The following PCLO variants were observed in gnomAD, a reference collection of about 807,000 sequenced individuals.
The protein encoded by PCLO is piccolo presynaptic cytomatrix protein.
Under a neutral mutation model 427.5 loss-of-function variants are expected in PCLO, and 82 were observed. The ratio of observed to expected loss-of-function variants is 0.19; its 90% CI spans 0.16 to 0.23. The LOEUF (loss-of-function observed/expected upper bound fraction) is 0.23, where lower values mean the gene tolerates loss of function less well. PCLO is among the 10% of genes least tolerant of loss of function. PCLO has a pLI of 1.00. For missense variants in PCLO, 6,239 were observed against 6,115.9 expected (o/e 1.02, Z -0.67); for synonymous variants, 2,357 against 2,155.4 (o/e 1.09, Z -2.59).
Position 83,076,615 on chromosome 7 carries a change from G to A in PCLO, c.3300+57635C>T, listed in dbSNP as rs559544792. Among the ~76,000 whole-genome samples the A allele has an allele frequency of 2.2e-4, 26 of 118,860 alleles. No individual in the cohort carries two copies. In the East Asian group the frequency reaches 6.0e-3, roughly 27 times the overall value. 78.0% of individuals were successfully genotyped at this position (118,860 alleles called of 152,430 possible). A position where few individuals can be genotyped will look rare whatever the true frequency, so the allele number is the denominator to read the frequency against. Reference sequence around the variant, plus strand: ...GCAAAACATTTGTTTTCTGTTTAATGTTATTTTCCTTTTTTTTTTTTTTTG... The same window carrying A: ...GCAAAACATTTGTTTTCTGTTTAATATTATTTTCCTTTTTTTTTTTTTTTG... On this transcript the variant is annotated intron_variant, in intron 3 of 24. Transcript: ENST00000333891.
At chr7:82,760,615 A>G (rs781286107) in intron 24 of PCLO, 24 bp downstream of exon 24, 124 of 1,483,954 alleles carry the variant, frequency 8.4e-5, no homozygotes, top group Non-Finnish European at 9.4e-5. Flanking sequence ...AGTTTCAAAT[A>G]TGAACTACAT....
chr7:82,822,634 T>A lies in PCLO; in HGVS notation c.14652A>T (p.Ser4884=). Reference sequence around the variant, plus strand: ...GAGAACGGAGATGGCCTTCTGATGATGATTTTGAGCTACCAGGACTACTAT... The same window carrying A: ...GAGAACGGAGATGGCCTTCTGATGAAGATTTTGAGCTACCAGGACTACTAT... ...KSHSSPGSSK[S]SSEGHLRSHG... is the part of the protein sequence containing the mutation. Residue 4884 remains serine (S), a synonymous_variant, in exon 20 of 25, where the codon TCA becomes TCT. Coordinates refer to ENST00000333891, the MANE Select transcript of PCLO (RefSeq NM_033026.6). The A allele has an allele frequency of 1.2e-6, 2 of 1,613,838 alleles. No homozygotes were observed. The highest frequency in any genetic ancestry group is 1.7e-6 in the Non-Finnish European group (2 of 1,179,818).
At chr7:83,092,438 A>G (rs1052992940) in intron 3 of PCLO, among the ~76,000 whole-genome samples, 8 of 152,156 alleles carry the variant, frequency 5.3e-5, no homozygotes, top group Non-Finnish European at 8.8e-5. Flanking sequence ...AAGCCCAGAT[A>G]ACAGCATCAA....
Position 83,134,964 on chromosome 7 carries a change from C to G in PCLO, c.2586G>C (p.Met862Ile). Residue 862 changes from methionine to isoleucine, a missense_variant, in exon 3 of 25, where the codon ATG becomes ATC. Transcript: ENST00000333891. ...TTGGCTTGGCATCTGGTTTAGGACT[C>G]ATTTTGGTTTGTGCTTTCTTGGGTT... Reference protein sequence around the residue: ...KEEPKKAQTKMSPKPDAKPMP... With the variant: ...KEEPKKAQTKISPKPDAKPMP... 6.2e-7 allele frequency: 1 copy of G among 1,612,272 alleles called. No homozygotes were observed. Among genetic ancestry groups the G allele is most frequent in the Non-Finnish European group, 8.5e-7 (1 of 1,179,282 alleles).
chr7:82,834,005 C>T (rs530208312), intron 16 of PCLO, among the ~76,000 whole-genome samples: 1 of 152,174 alleles, frequency 6.6e-6, no homozygotes, highest in African/African-American at 2.4e-5. Flanking sequence ...AATGTCAGTA[C>T]CTTGTCAATA....
intron 22 of PCLO, among the ~76,000 whole-genome samples, chr7:82,780,541 T>TTTTG (rs749241985): frequency 5.3e-5 from 8 of 150,314 alleles, no homozygotes; most frequent in Non-Finnish European, 7.5e-5. Context: ...TTTTGTTTGT[T>TTTTG]TTTGTTTGTT....
At position 82,952,074 on chromosome 7, in the gene PCLO, G is replaced by C. The variant is rs763147344; in HGVS notation, c.8879C>G (p.Thr2960Ser). 1 of 1,613,958 alleles carries C rather than the reference G, an allele frequency of 6.2e-7. No homozygotes were observed. Among genetic ancestry groups the C allele is most frequent in the Non-Finnish European group, 8.5e-7 (1 of 1,179,856 alleles). Residue 2960 changes from threonine (T) to serine (S), a missense_variant, in exon 5 of 25, where the codon ACT becomes AGT. Thr to Ser is a moderately conservative substitution (Grantham distance 58, BLOSUM62 1). Coordinates refer to ENST00000333891, the MANE Select transcript of PCLO (RefSeq NM_033026.6). ...ACCAAAACGATCCTCAGGAAGAGTA[G>C]TTGCAGGCTGCTGTGCTGTGCAGCT... is the stretch of plus-strand genomic sequence containing the variant. Reference protein sequence around the residue: ...GRSCTAQQPATTLPEDRFGYR... With the variant: ...GRSCTAQQPASTLPEDRFGYR...
intron 9 of PCLO, among the ~76,000 whole-genome samples, chr7:82,883,660 G>A (rs1225758932): frequency 6.6e-6 from 1 of 152,120 alleles, no homozygotes. Context: ...CTCTAATCCT[G>A]AGTATTCCAA....
intron 3 of PCLO, among the ~76,000 whole-genome samples, chr7:83,011,051 T>C (rs552727310): frequency 1.3e-5 from 2 of 152,206 alleles, no homozygotes; most frequent in African/African-American, 4.8e-5. Flanking sequence ...ACTATCCCTT[T>C]ACAAAGTCAA....
chr7:82,973,047 T>C (rs1040826747), intron 3 of PCLO, among the ~76,000 whole-genome samples: 7 of 152,174 alleles, frequency 4.6e-5, no homozygotes, highest in African/African-American at 1.7e-4. Flanking sequence ...ATTCATTCCC[T>C]TTATGACATC....
At position 82,996,310 on chromosome 7, in the gene PCLO, T is replaced by A. The variant is rs140351911; in HGVS notation, c.3301-29823A>T. Among the ~76,000 whole-genome samples, 442 of 152,090 alleles carry A rather than the reference T, an allele frequency of 2.9e-3. 2 individuals carry two copies. Among genetic ancestry groups the A allele is most frequent in the African/African-American group, 9.4e-3 (392 of 41,540 alleles). ...CTATAATTGGCATTAATGGTTTTTT[T>A]ATAAGAGGAAAACATTTATTTTAAA... is the stretch of plus-strand genomic sequence containing the variant. On this transcript the variant is annotated intron_variant, in intron 3 of 24. Transcript: ENST00000333891.
intron 3 of PCLO, among the ~76,000 whole-genome samples, chr7:83,011,074 A>C (rs1788066035): frequency 6.6e-6 from 1 of 152,056 alleles, no homozygotes; most frequent in Non-Finnish European, 1.5e-5. Flanking sequence ...TTTGGCCTTT[A>C]ATCTTTGTTA....
intron 3 of PCLO, among the ~76,000 whole-genome samples, chr7:83,065,515 AG>A: frequency 6.6e-6 from 1 of 150,612 alleles, no homozygotes; most frequent in Non-Finnish European, 1.5e-5. Flanking sequence ...AAAAAAAAAA[AG>A]CAAGTACTCC....
At chr7:82,964,257 C>T (rs2115644437) in intron 4 of PCLO, among the ~76,000 whole-genome samples, 1 of 152,152 alleles carries the variant, frequency 6.6e-6, no homozygotes, top group South Asian at 2.1e-4. Context: ...CCTGAAATCA[C>T]TCAGAAGATG....
At chr7:82,822,716 T>A in intron 19 of PCLO, 27 bp from the exon 20 acceptor site, 1 of 1,600,692 alleles carries the variant, frequency 6.2e-7, no homozygotes, top group Non-Finnish European at 8.5e-7. Flanking sequence ...AAAACATGAG[T>A]TAAAGTTGTT....
chr7:83,043,912 C>CTTTTCTTTTTTTTTTTTTTTTTTT (rs1789033893), intron 3 of PCLO, among the ~76,000 whole-genome samples: 1 of 94,910 alleles, frequency 1.1e-5, no homozygotes, highest in Non-Finnish European at 2.0e-5. Context: ...CTATTATTTT[C>CTTTTCTTTTTTTTTTTTTTTTTTT]TTTTTTTTTT....
intron 3 of PCLO, among the ~76,000 whole-genome samples, chr7:83,072,348 T>C (rs1362449130): frequency 6.6e-6 from 1 of 152,058 alleles, no homozygotes; most frequent in Non-Finnish European, 1.5e-5. Flanking sequence ...CCTAACAAAA[T>C]TAGAATAAAA....
chr7:82,828,174 C>A (rs1358323362), intron 16 of PCLO, among the ~76,000 whole-genome samples: 1 of 111,614 alleles, frequency 9.0e-6, no homozygotes, highest in African/African-American at 3.9e-5. Flanking sequence ...GTTTTCTTTG[C>A]CCTTATGATT....
intron 3 of PCLO, among the ~76,000 whole-genome samples, chr7:83,084,966 C>T (rs759834033): frequency 6.6e-6 from 1 of 152,072 alleles, no homozygotes; most frequent in Non-Finnish European, 1.5e-5. Context: ...TTGAATATGA[C>T]TCATTATAAT....
Sources: allele counts gnomAD v4.1 joint callset (sites outside exome capture counted in the v4.1 genomes callset), GRCh38; gene constraint gnomAD v4.1.1; transcripts MANE v1.5; gene names NCBI Gene and HGNC (gene_info 2026-07-23, HGNC 2026-07-21).